UTRN: variants seen among roughly 807,000 people sequenced by gnomAD.
UTRN encodes dystrophin-related protein 1.
A neutral mutation model predicts 463.9 loss-of-function variants in UTRN; 283 were observed. That is an observed-to-expected ratio of 0.61 (90% confidence interval 0.55 to 0.67). The LOEUF (loss-of-function observed/expected upper bound fraction) is 0.67. Ranked by LOEUF, UTRN falls within the 30% of genes least tolerant of loss-of-function variation. UTRN has a pLI of 0.00. For synonymous variants in UTRN, 1,442 were observed against 1,431.5 expected (o/e 1.01, Z -0.17); for missense variants, 3,922 against 4,084.3 (o/e 0.96, Z 1.08).
In UTRN at chr6:144,678,449, G is replaced by A; in HGVS notation, c.7523G>A (p.Ser2508Asn). 1 of 1,613,240 alleles carries A rather than the reference G, an allele frequency of 6.2e-7. No homozygotes were observed. Among genetic ancestry groups the A allele is most frequent in the Non-Finnish European group, 8.5e-7 (1 of 1,179,542 alleles). Residue 2508 changes from serine (S) to asparagine (N), a missense_variant, in exon 52 of 75, where the codon AGC becomes AAC. This residue lies in a region of UTRN where 1,309 missense variants were observed against 1,452.6 expected (regional missense o/e 0.90). Coordinates refer to ENST00000367545, the MANE Select transcript of UTRN (RefSeq NM_007124.3). The part of the protein sequence containing the change: ...EIDAHNDIFK[S>N]IDGNRQKMVK... ...GATGCCCACAATGACATATTTAAAA[G>A]CATTGACGGAAACAGGCAGAAGATG...
At chr6:144,384,418 A>G (rs1781229667) in intron 2 of UTRN, among the ~76,000 whole-genome samples, 1 of 152,170 alleles carries the variant, frequency 6.6e-6, no homozygotes, top group Non-Finnish European at 1.5e-5. Flanking sequence ...TTAGAATCTA[A>G]CTAATGCCTG....
intron 51 of UTRN, among the ~76,000 whole-genome samples, chr6:144,667,024 TTCCTCC>T (rs58206153): frequency 0.018 from 2,662 of 151,386 alleles, 68 homozygotes; most frequent in African/African-American, 0.058. Context: ...CTTCCTCTTC[TTCCTCC>T]TCCTCCTCCT....
intron 2 of UTRN, among the ~76,000 whole-genome samples, chr6:144,303,897 A>G (rs997263473): frequency 2.6e-5 from 4 of 152,216 alleles, no homozygotes; most frequent in Non-Finnish European, 5.9e-5. Flanking sequence ...GCCATCCTCT[A>G]TTAGTAATTT....
intron 2 of UTRN, among the ~76,000 whole-genome samples, chr6:144,400,471 A>G (rs974321683): frequency 5.3e-5 from 8 of 152,082 alleles, no homozygotes; most frequent in African/African-American, 4.8e-5. Context: ...CTGGGCCAAG[A>G]TTGTTTACCT....
At chr6:144,290,158 A>G (rs1804081640) in intron 1 of UTRN, among the ~76,000 whole-genome samples, 1 of 152,240 alleles carries the variant, frequency 6.6e-6, no homozygotes, top group Non-Finnish European at 1.5e-5. Flanking sequence ...AATCAAAGAC[A>G]TTCTCCTGCA....
intron 20 of UTRN, 45 bp from the exon 21 acceptor site, chr6:144,459,129 T>C: frequency 1.3e-6 from 2 of 1,586,098 alleles, no homozygotes; most frequent in Non-Finnish European, 1.7e-6. Context: ...CCTGTGAGGA[T>C]GTTCATCTTC....
At position 144,521,995 on chromosome 6, in the gene UTRN, C is replaced by A; in HGVS notation, c.5557C>A (p.Gln1853Lys). The A allele has an allele frequency of 1.3e-6, 2 of 1,551,456 alleles. No homozygotes were observed. The highest frequency in any genetic ancestry group is 1.7e-6 in the Non-Finnish European group (2 of 1,154,222). The change falls in exon 40 of 75, where the codon CAG (glutamine) becomes AAG (lysine). Residue 1853 changes from glutamine (Q) to lysine (K), a missense_variant. Physicochemically the swap from Gln to Lys is moderately conservative, Grantham distance 53 (BLOSUM62 1). Coordinates refer to ENST00000367545, the MANE Select transcript of UTRN (RefSeq NM_007124.3). ...GTTTTTGTAGGCAATCCCTATTCAACAGAGGAAAATGGGTCAACTTGCTTC... is the reference window on the plus strand; with the variant it reads ...GTTTTTGTAGGCAATCCCTATTCAAAAGAGGAAAATGGGTCAACTTGCTTC... ...YNKIKAIPIQ[Q>K]RKMGQLASGI...
At chr6:144,653,000 A>T (rs1382860012) in intron 51 of UTRN, among the ~76,000 whole-genome samples, 1 of 152,124 alleles carries the variant, frequency 6.6e-6, no homozygotes, top group Non-Finnish European at 1.5e-5. Flanking sequence ...TTACTTGGGT[A>T]TTTTCTATCT....
intron 2 of UTRN, among the ~76,000 whole-genome samples, chr6:144,340,354 G>T (rs1285835041): frequency 6.6e-6 from 1 of 152,164 alleles, no homozygotes; most frequent in Non-Finnish European, 1.5e-5. Context: ...GATGTTCAAA[G>T]CCAAGAAGGT....
chr6:144,735,282 A>G (rs2128716892), intron 54 of UTRN, among the ~76,000 whole-genome samples: 1 of 152,304 alleles, frequency 6.6e-6, no homozygotes, highest in Admixed American at 6.5e-5. Flanking sequence ...AGCTAGTCTT[A>G]GGGGTATGGA....
chr6:144,603,339 A>G (rs1054700498), intron 51 of UTRN, among the ~76,000 whole-genome samples: 9 of 152,180 alleles, frequency 5.9e-5, no homozygotes, highest in African/African-American at 2.2e-4. Context: ...ATACATTGCG[A>G]GGTGGCTTTC....
Position 144,554,990 on chromosome 6 carries a change from T to G in UTRN, c.7134+97T>G. On this transcript the variant is annotated intron_variant, in intron 49 of 74. Coordinates refer to ENST00000367545, the MANE Select transcript of UTRN (RefSeq NM_007124.3). ...TTCTTAACAATAGGACCCTGCCATGTTTTTTCCTAAGTTCTTAGAGTGTCT... is the reference window on the plus strand; with the variant it reads ...TTCTTAACAATAGGACCCTGCCATGGTTTTTCCTAAGTTCTTAGAGTGTCT... 5.9e-6 allele frequency: 8 copies of G among 1,351,922 alleles called. No homozygotes were observed. In the Admixed American group the frequency reaches 1.4e-4, roughly 23 times the overall value. The allele number at this position is 1,351,922 out of a possible 1,614,324, so 83.7% of individuals were successfully genotyped here. A position where few individuals can be genotyped will look rare whatever the true frequency, so the allele number is the denominator to read the frequency against.
At chr6:144,691,065 GA>G (rs1015633288) in intron 52 of UTRN, among the ~76,000 whole-genome samples, 15 of 150,954 alleles carry the variant, frequency 9.9e-5, no homozygotes, top group African/African-American at 2.4e-4. Context: ...AACATCTAGG[GA>G]AAAAAAAAGT....
intron 51 of UTRN, among the ~76,000 whole-genome samples, chr6:144,660,517 GA>G (rs560585238): frequency 4.0e-5 from 6 of 151,592 alleles, no homozygotes; most frequent in Non-Finnish European, 8.8e-5. Flanking sequence ...CACATCAGAA[GA>G]AACTCTTTGT....
chr6:144,436,199 G>T (rs1786520105), intron 10 of UTRN, 61 bp downstream of exon 10: 10 of 1,483,284 alleles, frequency 6.7e-6, no homozygotes, highest in Non-Finnish European at 9.2e-6. Flanking sequence ...CTTAATCAGG[G>T]ACTCTACTCT....
intron 52 of UTRN, among the ~76,000 whole-genome samples, chr6:144,684,604 A>C (rs904980988): frequency 6.6e-6 from 1 of 152,058 alleles, no homozygotes; most frequent in Non-Finnish European, 1.5e-5. Flanking sequence ...ATTTTATTTT[A>C]TTACATTCGA....
intron 1 of UTRN, 138 bp downstream of exon 1, chr6:144,285,959 T>A (rs1803623439): frequency 6.6e-6 from 1 of 152,288 alleles, no homozygotes; most frequent in African/African-American, 2.4e-5. Context: ...GCTTCCCAAG[T>A]CCCAGAGTCG....
intron 39 of UTRN, among the ~76,000 whole-genome samples, chr6:144,518,266 A>G (rs915040553): frequency 6.6e-6 from 1 of 152,208 alleles, no homozygotes; most frequent in Non-Finnish European, 1.5e-5. Context: ...ATGGCTGATC[A>G]TGTCATTCCT....
In UTRN at chr6:144,619,680, C is replaced by G. The variant is rs73595585; in HGVS notation, c.7479+42392C>G. On this transcript the variant is annotated intron_variant, in intron 51 of 74. Transcript: ENST00000367545. ...AAAATGTGTCAAAAATGTGAAATAT[C>G]CCAGTTCTACTAATTTTCTAACACA... 7.4e-3 allele frequency among the ~76,000 whole-genome samples: 1,119 copies of G among 152,204 alleles called. 13 individuals are homozygous for G. Among genetic ancestry groups the G allele is most frequent in the Middle Eastern group, 0.027 (8 of 294 alleles).
Sources: allele counts gnomAD v4.1 joint callset (sites outside exome capture counted in the v4.1 genomes callset), GRCh38; gene constraint gnomAD v4.1.1; regional missense constraint gnomAD v4.1.1; transcripts MANE v1.5; gene names NCBI Gene and HGNC (gene_info 2026-07-23, HGNC 2026-07-21).